Variants in BRAT1 observed in about 807,000 individuals in gnomAD.
BRAT1 encodes BRCA1 associated ATM activator 1, also known as integrator complex assembly factor BRAT1.
In BRAT1, 74 loss-of-function variants were observed where a neutral mutation model predicts 70.6. The observed-to-expected ratio is 1.05, with a 90% CI of 0.87 to 1.27. The LOEUF is 1.27. Ranked by LOEUF, BRAT1 falls within the 50% of genes most tolerant of loss-of-function variation. The pLI, the probability that BRAT1 is intolerant of heterozygous loss-of-function variation, is 0.00. For missense variants in BRAT1, 1,203 were observed against 1,098.2 expected, an observed-to-expected ratio of 1.10 and a Z score of -1.35; for synonymous variants, 615 against 517.1, an observed-to-expected ratio of 1.19 and a Z score of -2.57.
intron 2 of BRAT1, among the ~76,000 whole-genome samples, chr7:2,552,098 ATATATATATTTTTT>A (rs1446983579): frequency 1.4e-4 from 2 of 14,570 alleles, no homozygotes; most frequent in Admixed American, 9.3e-4. Context: ...ATATATATAT[ATATATATATTTTTT>A]TTTTTTTTTT....
At chr7:2,539,927 G>T in intron 10 of BRAT1, 39 bp from the exon 11 acceptor site, 1 of 1,388,586 alleles carries the variant, frequency 7.2e-7, no homozygotes, top group Non-Finnish European at 9.6e-7. Context: ...CACGGGAGAC[G>T]GAGGGGCAGG....
intron 4 of BRAT1, 139 bp from the exon 5 acceptor site, chr7:2,544,101 A>C: frequency 4.6e-6 from 3 of 655,140 alleles, no homozygotes; most frequent in Non-Finnish European, 7.1e-6. Flanking sequence ...CAAAAGCAAA[A>C]AAGAACAGGA....
intron 2 of BRAT1, among the ~76,000 whole-genome samples, chr7:2,552,090 ATATATATATATATATATTTTT>A (rs1780055052): frequency 1.8e-4 from 3 of 17,016 alleles, no homozygotes; most frequent in Admixed American, 1.4e-3. Flanking sequence ...AAATATATAT[ATATATATATATATATATTTTT>A]TTTTTTTTTT....
chr7:2,540,794 C>T (rs1444981630), intron 10 of BRAT1, 185 bp downstream of exon 10: 1 of 556,748 alleles, frequency 1.8e-6, no homozygotes, highest in Non-Finnish European at 2.9e-6. Flanking sequence ...TGTATCTTCA[C>T]CAACAAGAGG....
rs550539572 is a variant in BRAT1, at chr7:2,540,975, G to C, written c.1395+4C>G. 1 of 1,545,644 alleles carries C rather than the reference G, an allele frequency of 6.5e-7. No homozygotes were observed. Among genetic ancestry groups the C allele is most frequent in the Non-Finnish European group, 8.6e-7 (1 of 1,157,810 alleles). ...CTCCTCGCTCTCTATCCCCACCACC[G>C]TACCGTGGGGCTGGAGCCGGGGCTC... On this transcript the variant is annotated splice_donor_region_variant and intron_variant, in intron 10 of 13. Transcript: ENST00000340611.
At position 2,541,366 on chromosome 7, in the gene BRAT1, G is replaced by A; in HGVS notation, c.1253C>T (p.Thr418Ile). Residue 418 changes from threonine to isoleucine, a missense_variant, in exon 9 of 14, where the codon ACC becomes ATC. Thr to Ile is a moderately conservative substitution (Grantham distance 89). Coordinates refer to ENST00000340611, the MANE Select transcript of BRAT1 (RefSeq NM_152743.4). Reference sequence around the variant, plus strand: ...CTGGACCCGGACGCAGCCCGCCAGGGTCCCACAGAGGTGGCCCCCCACACT... The same window carrying A: ...CTGGACCCGGACGCAGCCCGCCAGGATCCCACAGAGGTGGCCCCCCACACT... Reference protein sequence around the residue: ...ASSVGGHLCGTLAGCVRVQRA... With the variant: ...ASSVGGHLCGILAGCVRVQRA... The A allele has an allele frequency of 6.2e-7, 1 of 1,607,754 alleles. No individual in the cohort carries two copies.
chr7:2,538,476 G>A lies in BRAT1; in HGVS notation c.2059C>T (p.Pro687Ser), dbSNP rs1332756765. The change falls in exon 14 of 14, where the codon CCA becomes TCA. Residue 687 changes from proline to serine, a missense_variant. Coordinates refer to ENST00000340611, the MANE Select transcript of BRAT1 (RefSeq NM_152743.4). Reference protein sequence around the residue: ...VALPEVAPAQPLTEALRALCH... With the variant: ...VALPEVAPAQSLTEALRALCH... ...AGAGCCCTCAGTGCCTCGGTGAGTGGCTGGGCTGGGGCCACCTCGGGTAGG... is the reference window on the plus strand; with the variant it reads ...AGAGCCCTCAGTGCCTCGGTGAGTGACTGGGCTGGGGCCACCTCGGGTAGG... The A allele has an allele frequency of 1.9e-6, 3 of 1,612,250 alleles. No homozygotes were observed. The Admixed American group carries it at 5.0e-5, about 27-fold the overall frequency.
chr7:2,555,308 G>A (rs545683385), intron 1 of BRAT1, among the ~76,000 whole-genome samples, 179 bp downstream of exon 1: 1 of 152,272 alleles, frequency 6.6e-6, no homozygotes, highest in South Asian at 2.1e-4. Flanking sequence ...CGAGCGCCAG[G>A]CCCGAGAGTC....
intron 2 of BRAT1, among the ~76,000 whole-genome samples, chr7:2,552,844 T>A (rs1780139824): frequency 6.6e-6 from 1 of 151,586 alleles, no homozygotes; most frequent in Admixed American, 6.6e-5. Flanking sequence ...GTTCACGCCA[T>A]TCTCCTGCCC....
chr7:2,552,896 T>A (rs988074748), intron 2 of BRAT1, among the ~76,000 whole-genome samples: 20 of 137,714 alleles, frequency 1.5e-4, no homozygotes. Flanking sequence ...CACCACCACG[T>A]CTGGCTATTT....
At position 2,541,028 on chromosome 7, in the gene BRAT1, G is replaced by A. The variant is rs747980905; in HGVS notation, c.1346C>T (p.Ala449Val). 12 of 1,572,012 alleles carry A rather than the reference G, an allele frequency of 7.6e-6. No homozygotes were observed. Among genetic ancestry groups the A allele is most frequent in the Admixed American group, 4.2e-5 (2 of 47,704 alleles). The change falls in exon 10 of 14, where the codon GCG (alanine) becomes GTG (valine). Residue 449 changes from alanine (A) to valine (V), a missense_variant. Coordinates refer to ENST00000340611, the MANE Select transcript of BRAT1 (RefSeq NM_152743.4). ...GTGPQELVTQ[A>V]LAVLLECLES... Reference sequence around the variant, plus strand: ...GAGGCACTCCAGGAGGACAGCAAGCGCCTGCGTCACCAGCTCCTGGGGGCC... The same window carrying A: ...GAGGCACTCCAGGAGGACAGCAAGCACCTGCGTCACCAGCTCCTGGGGGCC...
chr7:2,547,293 G>A (rs374043717), intron 3 of BRAT1, 31 bp downstream of exon 3: 15 of 1,610,866 alleles, frequency 9.3e-6, no homozygotes, highest in East Asian at 6.7e-5. Context: ...ACCTCTCCAC[G>A]GGACACTCAG....
chr7:2,543,100 C>G lies in BRAT1; in HGVS notation c.923+104G>C. 1.4e-6 allele frequency: 2 copies of G among 1,414,680 alleles called. No individual in the cohort carries two copies. The highest frequency in any genetic ancestry group is 1.9e-6 in the Non-Finnish European group (2 of 1,065,244). The allele number at this position is 1,414,680 out of a possible 1,614,324, so 87.6% of individuals were successfully genotyped here. On this transcript the variant is annotated intron_variant, in intron 6 of 13. Coordinates refer to ENST00000340611, the MANE Select transcript of BRAT1 (RefSeq NM_152743.4). The surrounding 1 kb of genome is among the most constrained non-coding windows in gnomAD (Gnocchi z 5.5). ...CACCCCGCACGGCCGCCTGACTGTC[C>G]CTGGTGTCCGGAACTCCCCTGCCAT...
chr7:2,541,430 C>G lies in BRAT1; in HGVS notation c.1189G>C (p.Val397Leu). The G allele has an allele frequency of 6.3e-7, 1 of 1,584,082 alleles. No homozygotes were observed. Among genetic ancestry groups the G allele is most frequent in the Non-Finnish European group, 8.6e-7 (1 of 1,166,200 alleles). Residue 397 changes from valine (V) to leucine (L), a missense_variant, in exon 9 of 14, where the codon GTC (valine) becomes CTC (leucine). Physicochemically the swap from Val to Leu is conservative, Grantham distance 32. Transcript: ENST00000340611. ...QASLLGATVT[V>L]LRLCDGSAAP... ...GCCGAGCCGTCACAGAGCCGCAGGA[C>G]AGTCACTGTAGCCCCCAGTAGAGAC...
intron 13 of BRAT1, 151 bp from the exon 14 acceptor site, chr7:2,538,915 A>G: frequency 1.4e-6 from 2 of 1,464,284 alleles, no homozygotes; most frequent in South Asian, 1.4e-5. Flanking sequence ...CGCAGTGAGC[A>G]CACGGCCCTC....
intron 2 of BRAT1, among the ~76,000 whole-genome samples, chr7:2,552,089 TATATATATATATATA>T (rs1780054201): frequency 5.7e-5 from 1 of 17,598 alleles, no homozygotes; most frequent in Admixed American, 6.8e-4. Context: ...TAAATATATA[TATATATATATATATA>T]TATTTTTTTT....
chr7:2,548,165 C>T (rs1441357347), intron 2 of BRAT1, among the ~76,000 whole-genome samples: 2 of 151,994 alleles, frequency 1.3e-5, no homozygotes, highest in African/African-American at 4.8e-5. Flanking sequence ...AGACAGTGCT[C>T]CATGCAAGCA....
intron 10 of BRAT1, 105 bp from the exon 11 acceptor site, chr7:2,539,993 A>G (rs1583296803): frequency 1.3e-6 from 1 of 782,860 alleles, no homozygotes; most frequent in Non-Finnish European, 2.0e-6. Flanking sequence ...AGGGACAGCA[A>G]TGGGGACAGG....
chr7:2,542,008 G>A (rs953571150), intron 7 of BRAT1, 112 bp downstream of exon 7: 9 of 1,221,680 alleles, frequency 7.4e-6, no homozygotes, highest in African/African-American at 1.5e-5. Context: ...AGGGAGGCCT[G>A]GGTGTGATTA....
Sources: gnomAD v4.1 joint callset for allele counts (sites outside exome capture counted in the v4.1 genomes callset) on GRCh38, gnomAD v4.1.1 for gene constraint, Gnocchi (gnomAD v3.1) non-coding constraint, MANE v1.5 for transcripts, NCBI Gene and HGNC (gene_info 2026-07-23, HGNC 2026-07-21) for gene names.